ATP6V0D2: variants seen among roughly 807,000 people sequenced by gnomAD.
The protein encoded by ATP6V0D2 is ATPase H+ transporting V0 subunit d2, also known as V-type proton ATPase subunit d 2.
In ATP6V0D2, 40 loss-of-function variants were observed where a neutral mutation model predicts 40.0. The observed-to-expected ratio is 1.00, with a 90% CI of 0.78 to 1.30. ATP6V0D2 has a LOEUF of 1.30. Ranked by LOEUF, ATP6V0D2 falls within the 50% of genes most tolerant of loss-of-function variation. ATP6V0D2 has a pLI of 0.00. For missense variants in ATP6V0D2, 470 were observed against 423.1 expected, an observed-to-expected ratio of 1.11 and a Z score of -0.97; for synonymous variants, 179 against 156.3, an observed-to-expected ratio of 1.15 and a Z score of -1.08.
At chr8:86,115,825 A>T (rs992546504) in intron 2 of ATP6V0D2, among the ~76,000 whole-genome samples, 6 of 152,174 alleles carry the variant, frequency 3.9e-5, no homozygotes, top group African/African-American at 1.4e-4. Flanking sequence ...TTCAGGGGAA[A>T]ATAATATGTC....
chr8:86,147,615 A>C (rs1158388485), intron 5 of ATP6V0D2, among the ~76,000 whole-genome samples: 1 of 152,202 alleles, frequency 6.6e-6, no homozygotes, highest in East Asian at 1.9e-4. Context: ...GATAATACAC[A>C]CACTTACCCA....
At chr8:86,108,657 AC>A (rs1818498026) in intron 1 of ATP6V0D2, among the ~76,000 whole-genome samples, 2 of 151,960 alleles carry the variant, frequency 1.3e-5, no homozygotes, top group South Asian at 4.2e-4. Flanking sequence ...CTGGTCTCAA[AC>A]TCCTGGGCTC....
chr8:86,122,225 A>G (rs999332371), intron 2 of ATP6V0D2, among the ~76,000 whole-genome samples: 4 of 152,200 alleles, frequency 2.6e-5, no homozygotes, highest in Admixed American at 6.5e-5. Context: ...CAGAGGCTGT[A>G]AAATTTCTGA....
chr8:86,123,958 G>A (rs982651391), intron 2 of ATP6V0D2, among the ~76,000 whole-genome samples: 2 of 152,104 alleles, frequency 1.3e-5, no homozygotes, highest in African/African-American at 4.8e-5. Context: ...GATATGTTGA[G>A]TTTTGTGTCT....
At chr8:86,130,124 A>G (rs919853158) in intron 2 of ATP6V0D2, among the ~76,000 whole-genome samples, 1 of 152,086 alleles carries the variant, frequency 6.6e-6, no homozygotes, top group Non-Finnish European at 1.5e-5. Flanking sequence ...AGCTAAGTCC[A>G]ATGGATATTT....
At chr8:86,106,773 A>T (rs1431932711) in intron 1 of ATP6V0D2, among the ~76,000 whole-genome samples, 1 of 152,182 alleles carries the variant, frequency 6.6e-6, no homozygotes, top group Non-Finnish European at 1.5e-5. Context: ...TGTATAATGA[A>T]GTTCTGTGGG....
rs111379828 is a variant in ATP6V0D2, at chr8:86,110,057, A to T, written c.131-3652A>T. On this transcript the variant is annotated intron_variant, in intron 1 of 7. Transcript: ENST00000285393. ...TTTAAAATTGACACATAAAAATTGC[A>T]TATATTTATCATATGCAACATGATG... 5.5e-3 allele frequency among the ~76,000 whole-genome samples: 834 copies of T among 152,304 alleles called. 7 individuals carry two copies. The highest frequency in any genetic ancestry group is 0.019 in the African/African-American group (796 of 41,576).
At chr8:86,133,572 C>T (rs2626325) in intron 2 of ATP6V0D2, among the ~76,000 whole-genome samples, 61,803 of 151,558 alleles carry the variant, frequency 0.41, 15,162 homozygotes, top group Middle Eastern at 0.59. Flanking sequence ...ACACCCACCT[C>T]AGCCTCCCAA....
intron 1 of ATP6V0D2, among the ~76,000 whole-genome samples, chr8:86,105,968 C>A (rs1451698414): frequency 6.6e-6 from 1 of 152,058 alleles, no homozygotes; most frequent in Non-Finnish European, 1.5e-5. Context: ...TCTCTCCTAC[C>A]TCCCTAAGCC....
chr8:86,103,749 C>T (rs967760167), intron 1 of ATP6V0D2, among the ~76,000 whole-genome samples: 9 of 152,102 alleles, frequency 5.9e-5, no homozygotes, highest in Non-Finnish European at 1.2e-4. Context: ...TACACTTTGT[C>T]CAGGAATTCC....
At chr8:86,136,392 A>AGGTTT (rs1818897396) in intron 2 of ATP6V0D2, among the ~76,000 whole-genome samples, 1 of 152,138 alleles carries the variant, frequency 6.6e-6, no homozygotes, top group Non-Finnish European at 1.5e-5. Flanking sequence ...CGCAGCTCAG[A>AGGTTT]TGCTTTTACA....
intron 2 of ATP6V0D2, among the ~76,000 whole-genome samples, chr8:86,135,861 G>A (rs1241358400): frequency 2.6e-5 from 4 of 152,006 alleles, no homozygotes; most frequent in African/African-American, 9.7e-5. Flanking sequence ...AATTACTCAG[G>A]CAATGTCAGC....
At chr8:86,147,847 T>C (rs149195575) in intron 5 of ATP6V0D2, among the ~76,000 whole-genome samples, 146 of 152,140 alleles carry the variant, frequency 9.6e-4, no homozygotes, top group African/African-American at 3.3e-3. Flanking sequence ...AGGGAAGAAG[T>C]GGTTACAAGG....
At position 86,152,845 on chromosome 8, in the gene ATP6V0D2, A is replaced by G. The variant is rs757035613; in HGVS notation, c.921A>G (p.Arg307=). 4 of 1,602,264 alleles carry G rather than the reference A, an allele frequency of 2.5e-6. No homozygotes were observed. The highest frequency in any genetic ancestry group is 3.4e-6 in the Non-Finnish European group (4 of 1,176,790). Residue 307 remains arginine (R), a synonymous_variant, in exon 8 of 8, where the codon AGA becomes AGG. Coordinates refer to ENST00000285393, the MANE Select transcript of ATP6V0D2 (RefSeq NM_152565.1). Reference sequence around the variant, plus strand: ...AAATGAATGTGCTGGCATTCAACAGACAGTTCCACTACGGTGTGTTTTATG... The same window carrying G: ...AAATGAATGTGCTGGCATTCAACAGGCAGTTCCACTACGGTGTGTTTTATG... ...EVQMNVLAFN[R]QFHYGVFYAY...
chr8:86,150,866 A>G (rs893575795), intron 6 of ATP6V0D2, among the ~76,000 whole-genome samples: 1 of 152,134 alleles, frequency 6.6e-6, no homozygotes, highest in African/African-American at 2.4e-5. Context: ...CTCAGCTTCC[A>G]TTCCCTCTCA....
chr8:86,114,686 A>AAATTT (rs1008031390), intron 2 of ATP6V0D2, among the ~76,000 whole-genome samples: 2 of 151,948 alleles, frequency 1.3e-5, no homozygotes, highest in African/African-American at 4.8e-5. Context: ...AAAATAAATT[A>AAATTT]AAAAAATTGA....
intron 5 of ATP6V0D2, among the ~76,000 whole-genome samples, chr8:86,145,362 G>GA (rs1257431214): frequency 0.034 from 3,081 of 91,030 alleles, 184 homozygotes; most frequent in African/African-American, 0.11. Flanking sequence ...AGGAAGGAAG[G>GA]AAGGAAGGAA....
chr8:86,103,110 G>T (rs1324514320), intron 1 of ATP6V0D2, among the ~76,000 whole-genome samples: 2 of 151,716 alleles, frequency 1.3e-5, no homozygotes, highest in African/African-American at 4.8e-5. Flanking sequence ...GGTCATTCTG[G>T]ATTAAGTCTT....
chr8:86,149,662 A>G (rs913580888), intron 5 of ATP6V0D2, among the ~76,000 whole-genome samples: 8 of 152,208 alleles, frequency 5.3e-5, no homozygotes, highest in African/African-American at 1.7e-4. Flanking sequence ...GACATTGACA[A>G]CTAGGAAGGG....
Sources: gnomAD v4.1 joint callset for allele counts (sites outside exome capture counted in the v4.1 genomes callset) on GRCh38, gnomAD v4.1.1 for gene constraint, MANE v1.5 for transcripts, NCBI Gene and HGNC (gene_info 2026-07-23, HGNC 2026-07-21) for gene names.